Variants in GALNT13 observed in about 807,000 individuals in gnomAD.
GALNT13 encodes UDP-GalNAc:polypeptide N-acetylgalactosaminyltransferase 13.
Under a neutral mutation model 64.2 loss-of-function variants are expected in GALNT13, and 28 were observed. The ratio of observed to expected loss-of-function variants is 0.44; its 90% CI spans 0.32 to 0.60. The LOEUF (loss-of-function observed/expected upper bound fraction) is 0.60, where lower values mean the gene tolerates loss of function less well. Among genes scored for constraint, GALNT13 ranks in the 20% least tolerant of loss-of-function variants. GALNT13 has a pLI of 0.05. For missense variants in GALNT13, 577 were observed against 669.8 expected, an observed-to-expected ratio of 0.86 and a Z score of 1.53; for synonymous variants, 214 against 224.6, an observed-to-expected ratio of 0.95 and a Z score of 0.42.
At chr2:153,512,254 T>G in the GALNT13 span, among the ~76,000 whole-genome samples, 1 of 152,106 alleles carries the variant, frequency 6.6e-6, no homozygotes, top group African/African-American at 2.4e-5. Context: ...CACAAAGCAA[T>G]GTGGCAGGTG....
intron 3 of GALNT13, among the ~76,000 whole-genome samples, chr2:154,076,084 G>A (rs1253313690): frequency 1.3e-5 from 2 of 151,472 alleles, no homozygotes; most frequent in Non-Finnish European, 3.0e-5. Flanking sequence ...TATTTATTGT[G>A]GGCCAACAGC....
chr2:153,960,836 GTATT>G (rs1692892150), intron 3 of GALNT13, among the ~76,000 whole-genome samples: 1 of 152,034 alleles, frequency 6.6e-6, no homozygotes, highest in Admixed American at 6.6e-5. Context: ...AAATATTTTA[GTATT>G]TATTTAAATA....
intron 12 of GALNT13, among the ~76,000 whole-genome samples, chr2:154,439,546 A>G (rs1161346845): frequency 6.6e-6 from 1 of 152,172 alleles, no homozygotes; most frequent in Non-Finnish European, 1.5e-5. Flanking sequence ...AAATACTACT[A>G]TAGAGGTAAA....
the GALNT13 span, among the ~76,000 whole-genome samples, chr2:153,843,252 G>A: frequency 6.6e-6 from 1 of 152,196 alleles, no homozygotes; most frequent in South Asian, 2.1e-4. Flanking sequence ...AAGGCCTGAG[G>A]AAGCTTACAA....
At chr2:153,851,710 C>G in the GALNT13 span, among the ~76,000 whole-genome samples, 124,606 of 151,928 alleles carry the variant, frequency 0.82, 52,396 homozygotes, top group Non-Finnish European at 0.9. Context: ...GAAAGAAGAA[C>G]AACAACAACA....
At chr2:154,301,044 C>T (rs905634328) in intron 8 of GALNT13, among the ~76,000 whole-genome samples, 1 of 152,054 alleles carries the variant, frequency 6.6e-6, no homozygotes, top group African/African-American at 2.4e-5. Context: ...GATTTTTCTC[C>T]AAATCAAATT....
chr2:154,396,752 A>G (rs1699073003), intron 10 of GALNT13, among the ~76,000 whole-genome samples: 1 of 152,104 alleles, frequency 6.6e-6, no homozygotes, highest in African/African-American at 2.4e-5. Flanking sequence ...AGAATGTGAA[A>G]GTGAAAACTG....
chr2:154,068,970 G>A (rs1700605868), intron 3 of GALNT13, among the ~76,000 whole-genome samples: 1 of 151,904 alleles, frequency 6.6e-6, no homozygotes, highest in Non-Finnish European at 1.5e-5. Flanking sequence ...ACCCTGTTGT[G>A]ATGATTATGC....
At chr2:153,886,414 T>C (rs1300808664) in intron 1 of GALNT13, among the ~76,000 whole-genome samples, 1 of 149,992 alleles carries the variant, frequency 6.7e-6, no homozygotes, top group Admixed American at 6.7e-5. Context: ...TTCCTGTGTC[T>C]AAGAAAATGT....
At position 154,172,401 on chromosome 2, in the gene GALNT13, A is replaced by G. The variant is rs868192852; in HGVS notation, c.311+31896A>G. ...AACATTGGGTGTTATTCCTTCTATC[A>G]TACTGCTTTTTGGACCCATTAATCA... On this transcript the variant is annotated intron_variant, in intron 4 of 12. Coordinates refer to ENST00000392825, the MANE Select transcript of GALNT13 (RefSeq NM_052917.4). 4.6e-5 allele frequency among the ~76,000 whole-genome samples: 7 copies of G among 152,002 alleles called. No homozygotes were observed. In the South Asian group the frequency reaches 1.5e-3, roughly 32 times the overall value.
chr2:153,540,724 A>G, the GALNT13 span, among the ~76,000 whole-genome samples: 3 of 152,214 alleles, frequency 2.0e-5, no homozygotes, highest in Admixed American at 6.5e-5. Context: ...CAGATTTTGA[A>G]GCTTTAAGAT....
At chr2:153,568,120 G>C in the GALNT13 span, among the ~76,000 whole-genome samples, 4 of 152,132 alleles carry the variant, frequency 2.6e-5, no homozygotes, top group Admixed American at 6.6e-5. Context: ...TTCTAGTTCT[G>C]GATTTATTCT....
intron 3 of GALNT13, among the ~76,000 whole-genome samples, chr2:154,097,344 A>G (rs988646560): frequency 6.6e-6 from 1 of 152,078 alleles, no homozygotes; most frequent in African/African-American, 2.4e-5. Context: ...CAGAAATGCT[A>G]TTACAGGTTA....
the GALNT13 span, among the ~76,000 whole-genome samples, chr2:153,602,638 C>G: frequency 6.6e-6 from 1 of 151,670 alleles, no homozygotes; most frequent in Non-Finnish European, 1.5e-5. Flanking sequence ...TCTGGCTGAC[C>G]TGAAGTGAGC....
At chr2:153,563,169 A>C in the GALNT13 span, among the ~76,000 whole-genome samples, 1 of 151,572 alleles carries the variant, frequency 6.6e-6, no homozygotes, top group Non-Finnish European at 1.5e-5. Flanking sequence ...ATATCTCTTC[A>C]AGTTTATTCA....
the GALNT13 span, among the ~76,000 whole-genome samples, chr2:153,378,255 TATAGATAGATAGATAGATAGATAG>T: frequency 7.0e-3 from 1,005 of 143,674 alleles, 6 homozygotes; most frequent in African/African-American, 0.023. Context: ...TTTAGAACAT[TATAGATAGATAGATAGATAGATAG>T]ATAGATAGAT....
the GALNT13 span, among the ~76,000 whole-genome samples, chr2:153,113,945 A>T: frequency 6.6e-6 from 1 of 152,134 alleles, no homozygotes. Context: ...AAGGCTTACT[A>T]ATTATACATC....
chr2:154,139,829 G>A (rs1683159580), intron 3 of GALNT13, among the ~76,000 whole-genome samples: 1 of 151,962 alleles, frequency 6.6e-6, no homozygotes, highest in South Asian at 2.1e-4. Context: ...ATTTCAACTT[G>A]ACATTTGAAG....
At chr2:153,390,544 C>T in the GALNT13 span, among the ~76,000 whole-genome samples, 2 of 152,028 alleles carry the variant, frequency 1.3e-5, no homozygotes, top group Non-Finnish European at 2.9e-5. Context: ...ACAATAAAAA[C>T]AGTTATAGAA....
Sources: allele counts gnomAD v4.1 joint callset (sites outside exome capture counted in the v4.1 genomes callset), GRCh38; gene constraint gnomAD v4.1.1; transcripts MANE v1.5; gene names NCBI Gene and HGNC (gene_info 2026-07-23, HGNC 2026-07-21).